Variants in TMEM245 observed in about 807,000 individuals in gnomAD.
TMEM245 encodes protein CG-2.
In TMEM245, 69 loss-of-function variants were observed where a neutral mutation model predicts 101.2. The observed-to-expected ratio is 0.68, with a 90% CI of 0.56 to 0.83. The LOEUF (loss-of-function observed/expected upper bound fraction) is 0.83, where lower values mean the gene tolerates loss of function less well. Ranked by LOEUF, TMEM245 falls within the 40% of genes least tolerant of loss-of-function variation. TMEM245 has a pLI of 0.00. For missense variants in TMEM245, 1,075 were observed against 1,092.8 expected (o/e 0.98, Z 0.23); for synonymous variants, 537 against 449.8 (o/e 1.19, Z -2.45).
intron 4 of TMEM245, among the ~76,000 whole-genome samples, chr9:109,092,529 T>C (rs1386207175): frequency 1.3e-5 from 2 of 152,228 alleles, no homozygotes; most frequent in East Asian, 1.9e-4. Context: ...TGATGGTGGG[T>C]GTGACAGATA....
intron 1 of TMEM245, among the ~76,000 whole-genome samples, chr9:109,112,799 C>T (rs765108130): frequency 1.3e-5 from 2 of 152,058 alleles, no homozygotes; most frequent in Non-Finnish European, 2.9e-5. Context: ...ATAATTCGGC[C>T]GGGCGCGGTG....
chr9:109,021,839 G>A (rs1827635496), intron 17 of TMEM245, among the ~76,000 whole-genome samples: 1 of 151,914 alleles, frequency 6.6e-6, no homozygotes, highest in Admixed American at 6.5e-5. Flanking sequence ...AAGGAAGGGA[G>A]GGAGGAAGGG....
chr9:109,055,467 G>T (rs1372728776), intron 12 of TMEM245, among the ~76,000 whole-genome samples: 1 of 152,038 alleles, frequency 6.6e-6, no homozygotes, highest in African/African-American at 2.4e-5. Flanking sequence ...AAAAGAGAAA[G>T]CAAAACAAAC....
At chr9:109,057,619 C>T (rs1390967069) in intron 11 of TMEM245, among the ~76,000 whole-genome samples, 1 of 151,952 alleles carries the variant, frequency 6.6e-6, no homozygotes, top group Non-Finnish European at 1.5e-5. Flanking sequence ...GGCGTGGTGG[C>T]ACGTGCCTGT....
intron 16 of TMEM245, among the ~76,000 whole-genome samples, chr9:109,034,476 C>T (rs1247366763): frequency 2.0e-5 from 3 of 152,128 alleles, no homozygotes; most frequent in African/African-American, 7.2e-5. Flanking sequence ...GCTTTTTATT[C>T]CGCTCCATCA....
At chr9:109,097,158 A>T (rs72760365) in intron 3 of TMEM245, among the ~76,000 whole-genome samples, 22,230 of 152,276 alleles carry the variant, frequency 0.15, 1,849 homozygotes, top group African/African-American at 0.2. Context: ...TTTTAACAAA[A>T]GTAAGCTAGA....
intron 3 of TMEM245, among the ~76,000 whole-genome samples, chr9:109,099,741 G>A (rs552427366): frequency 1.3e-5 from 2 of 152,148 alleles, no homozygotes; most frequent in Non-Finnish European, 2.9e-5. Flanking sequence ...CATACTGAAC[G>A]TGGATTCCAG....
chr9:109,033,122 T>C (rs1399257726), intron 17 of TMEM245, among the ~76,000 whole-genome samples, 185 bp downstream of exon 17: 1 of 152,236 alleles, frequency 6.6e-6, no homozygotes, highest in East Asian at 1.9e-4. Flanking sequence ...TAAATTTTCT[T>C]GGTATATGAA....
rs543006502 is a variant in TMEM245, at chr9:109,096,349, C to T, written c.800-2758G>A. 3.1e-4 allele frequency among the ~76,000 whole-genome samples: 47 copies of T among 152,218 alleles called. No homozygotes were observed. The South Asian group carries it at 4.6e-3, about 15-fold the overall frequency. ...AAAATTAGCTGGGCATGGTGGCACA[C>T]GCCTGTAATCCCAGCTACTCAAGAG... On this transcript the variant is annotated intron_variant, in intron 3 of 17. Transcript: ENST00000374586.
intron 3 of TMEM245, among the ~76,000 whole-genome samples, chr9:109,094,228 T>A (rs898042250): frequency 2.0e-5 from 3 of 152,206 alleles, no homozygotes; most frequent in African/African-American, 7.2e-5. Flanking sequence ...AAACATTCAC[T>A]GGCAAAGGAA....
chr9:109,098,137 CT>C (rs1830189513), intron 3 of TMEM245, among the ~76,000 whole-genome samples: 1 of 152,082 alleles, frequency 6.6e-6, no homozygotes, highest in Admixed American at 6.6e-5. Context: ...TTTTAGATCT[CT>C]CCACAGAGCT....
chr9:109,075,340 T>C (rs1829465309), intron 8 of TMEM245, among the ~76,000 whole-genome samples: 1 of 152,234 alleles, frequency 6.6e-6, no homozygotes. Context: ...CTTCTGTGAA[T>C]GCCTTTGACT....
At chr9:109,073,248 C>A in intron 9 of TMEM245, 108 bp downstream of exon 9, 2 of 830,644 alleles carry the variant, frequency 2.4e-6, no homozygotes, top group South Asian at 1.5e-5. Flanking sequence ...TCTGGCAAAC[C>A]CTATCTTTTA....
chr9:109,117,811 A>G (rs1388680974), intron 1 of TMEM245, among the ~76,000 whole-genome samples: 2 of 152,266 alleles, frequency 1.3e-5, no homozygotes, highest in Non-Finnish European at 2.9e-5. Context: ...CAGAATCTAT[A>G]AATGTGTCTT....
rs146147918 is a variant in TMEM245 at position 109,037,990 on chromosome 9, T to C, written c.2224+27A>G. The C allele has an allele frequency of 6.7e-6, 10 of 1,502,012 alleles. No homozygotes were observed. In the African/African-American group the frequency reaches 7.0e-5, roughly 11 times the overall value. The allele number at this position is 1,502,012 out of a possible 1,614,324, so 93.0% of individuals were successfully genotyped here. A position where few individuals can be genotyped will look rare whatever the true frequency, so the allele number is the denominator to read the frequency against. ...GGCTTAACTTTCCTTAAATAGCGAA[T>C]AGTGGAAGGTACAATATGGTTGTTA... On this transcript the variant is annotated intron_variant, in intron 15 of 17. Transcript: ENST00000374586.
intron 14 of TMEM245, among the ~76,000 whole-genome samples, chr9:109,048,764 G>C (rs971746018): frequency 1.3e-5 from 2 of 152,164 alleles, no homozygotes; most frequent in African/African-American, 2.4e-5. Context: ...AAGAGCCAAC[G>C]ACCTGGAAAG....
rs1827418145 is a variant in TMEM245 at position 109,015,606 on chromosome 9, A to G, written c.*4854T>C. On this transcript the variant is annotated 3_prime_UTR_variant, in exon 18 of 18. Transcript: ENST00000374586. ...AATAAAAAGCTAGCAAAAAGCTAGT[A>G]AGAAACCAGATGTCTAGTAAAGAAC... The G allele has an allele frequency of 6.5e-6, 1 of 152,678 alleles. No homozygotes were observed. Among genetic ancestry groups the G allele is most frequent in the Admixed American group, 6.5e-5 (1 of 15,290 alleles). 9.5% of individuals were successfully genotyped at this position (152,678 alleles called of 1,614,324 possible).
At chr9:109,056,060 A>G (rs1354586273) in intron 12 of TMEM245, among the ~76,000 whole-genome samples, 1 of 152,250 alleles carries the variant, frequency 6.6e-6, no homozygotes, top group East Asian at 1.9e-4. Flanking sequence ...TCTGATTAAC[A>G]GCACTTCATC....
Position 109,066,152 on chromosome 9 carries a change from C to G in TMEM245, c.1533-1585G>C, listed in dbSNP as rs1227342014. On this transcript the variant is annotated intron_variant, in intron 9 of 17. Coordinates refer to ENST00000374586, the MANE Select transcript of TMEM245 (RefSeq NM_032012.4). The stretch of plus-strand genomic sequence containing the variant: ...AAACTTCTTGGCAAATGCCTCAGTC[C>G]ACTCAAACATTTCTCAGCAAGGCCA... Among the ~76,000 whole-genome samples, 3 of 152,204 alleles carry G rather than the reference C, an allele frequency of 2.0e-5. No homozygotes were observed. The East Asian group carries it at 5.8e-4, about 29-fold the overall frequency.
Sources: allele counts gnomAD v4.1 joint callset (sites outside exome capture counted in the v4.1 genomes callset), GRCh38; gene constraint gnomAD v4.1.1; transcripts MANE v1.5; gene names NCBI Gene and HGNC (gene_info 2026-07-23, HGNC 2026-07-21).